The following MORN1 variants were observed in gnomAD, a reference collection of about 807,000 sequenced individuals.
MORN1 encodes the protein MORN repeat-containing protein 1.
In MORN1, 67 loss-of-function variants were observed where a neutral mutation model predicts 61.9. The ratio of observed to expected loss-of-function variants is 1.08; its 90% CI spans 0.89 to 1.33. MORN1 has a LOEUF of 1.33. Among genes scored for constraint, MORN1 ranks in the 40% most tolerant of loss-of-function variants. MORN1 has a pLI of 0.00. For missense variants in MORN1, 752 were observed against 691.2 expected, an observed-to-expected ratio of 1.09 and a Z score of -0.99; for synonymous variants, 301 against 292.0, an observed-to-expected ratio of 1.03 and a Z score of -0.31.
Position 2,337,418 on chromosome 1 carries a change from G to A in MORN1, c.1037-568C>T, listed in dbSNP as rs1255862416. Among the ~76,000 whole-genome samples, 1 of 152,130 alleles carries A rather than the reference G, an allele frequency of 6.6e-6. No homozygotes were observed. Among genetic ancestry groups the A allele is most frequent in the Non-Finnish European group, 1.5e-5 (1 of 67,988 alleles). ...TCCTCGGGCATCAGAGGCGGGTGTGGGCGGGCTCAGCCTGTGCATCCCTCA... is the reference window on the plus strand; with the variant it reads ...TCCTCGGGCATCAGAGGCGGGTGTGAGCGGGCTCAGCCTGTGCATCCCTCA... On this transcript the variant is annotated intron_variant, in intron 10 of 13. Coordinates refer to ENST00000378531, the MANE Select transcript of MORN1 (RefSeq NM_024848.3). The surrounding 1 kb of genome is among the most constrained non-coding windows in gnomAD (Gnocchi z 5.7).
At chr1:2,387,325 G>T in intron 4 of MORN1, 94 bp downstream of exon 4, 1 of 893,658 alleles carries the variant, frequency 1.1e-6, no homozygotes, top group Non-Finnish European at 1.9e-6. Context: ...AGTCAGGCAG[G>T]CCCTCTCAGA....
chr1:2,336,211 A>T (rs1019861028), intron 12 of MORN1, among the ~76,000 whole-genome samples: 4 of 152,032 alleles, frequency 2.6e-5, no homozygotes, highest in Middle Eastern at 3.4e-3. Context: ...CGGGTCTGGG[A>T]GTTGTGGTGA....
chr1:2,335,828 T>TAGCCCAGCCCAGCCCGGCCCAGCCC (rs1553208690), intron 12 of MORN1, among the ~76,000 whole-genome samples: 4 of 143,014 alleles, frequency 2.8e-5, no homozygotes, highest in African/African-American at 1.2e-4. Flanking sequence ...CTCGCCTCCA[T>TAGCCCAGCCCAGCCCGGCCCAGCCC]AGCCCAGCCC....
rs556019760 is a variant in MORN1, at chr1:2,358,465, G to A, written c.869+127C>T. 2.1e-5 allele frequency: 26 copies of A among 1,255,196 alleles called. No individual in the cohort carries two copies. In the South Asian group the frequency reaches 2.8e-4, roughly 13 times the overall value. The allele number at this position is 1,255,196 out of a possible 1,614,324, so 77.8% of individuals were successfully genotyped here. A position where few individuals can be genotyped will look rare whatever the true frequency, so the allele number is the denominator to read the frequency against. On this transcript the variant is annotated intron_variant, in intron 9 of 13. Coordinates refer to ENST00000378531, the MANE Select transcript of MORN1 (RefSeq NM_024848.3). ...GAGCTGTTTCCTTAGAACAGACATC[G>A]AATATTTCATTTGTCATAACCAGGA...
At chr1:2,347,928 C>T (rs1641550975) in intron 10 of MORN1, among the ~76,000 whole-genome samples, 1 of 152,270 alleles carries the variant, frequency 6.6e-6, no homozygotes, top group Admixed American at 6.5e-5. Context: ...GCTCCTCACT[C>T]CACATCCTCG....
intron 10 of MORN1, chr1:2,355,267 G>C: frequency 7.0e-7 from 1 of 1,429,478 alleles, no homozygotes; most frequent in Non-Finnish European, 9.2e-7. Flanking sequence ...CAGACAAGGG[G>C]GCGCGGGCCG....
intron 13 of MORN1, chr1:2,322,280 C>T: frequency 1.0e-6 from 1 of 985,500 alleles, no homozygotes; most frequent in Non-Finnish European, 1.2e-6. Context: ...CTCCCCTGAG[C>T]CTGCCGGGGC....
At chr1:2,387,156 C>T in intron 4 of MORN1, 1 of 529,168 alleles carries the variant, frequency 1.9e-6, no homozygotes, top group Admixed American at 3.1e-5. Flanking sequence ...GCCATTTTAA[C>T]CCCTAAGCCA....
In MORN1 at chr1:2,372,506, C is replaced by T; in HGVS notation, c.720G>A (p.Leu240=). ...GSPFSVNVQL[L]QDHGEIAKSE... ...TCTTGGCAATTTCCCCGTGGTCCTG[C>T]AGCAGCTGAACGTTCACCGAGAAGG... Residue 240 remains leucine, a synonymous_variant, in exon 8 of 14, where the codon CTG becomes CTA. Transcript: ENST00000378531. The surrounding 1 kb of genome is among the most constrained non-coding windows in gnomAD (Gnocchi z 5.4). 6.2e-7 allele frequency: 1 copy of T among 1,613,910 alleles called. No individual in the cohort carries two copies. Among genetic ancestry groups the T allele is most frequent in the African/African-American group, 1.3e-5 (1 of 75,036 alleles).
intron 12 of MORN1, among the ~76,000 whole-genome samples, chr1:2,330,296 GGCTCTC>G (rs1641121183): frequency 2.0e-5 from 3 of 152,234 alleles, no homozygotes; most frequent in African/African-American, 7.2e-5. Context: ...TGGGTGGCCA[GGCTCTC>G]GCCCCATGTG....
intron 12 of MORN1, among the ~76,000 whole-genome samples, chr1:2,331,403 C>T (rs1641145084): frequency 6.6e-6 from 1 of 152,208 alleles, no homozygotes; most frequent in Non-Finnish European, 1.5e-5. Flanking sequence ...TCCCTGACAT[C>T]CTTGGACCTG....
At chr1:2,330,135 C>G (rs574117384) in intron 12 of MORN1, among the ~76,000 whole-genome samples, 3 of 152,232 alleles carry the variant, frequency 2.0e-5, no homozygotes, top group African/African-American at 7.2e-5. Context: ...CAGGCCTCCC[C>G]ACCTGGGCTG....
chr1:2,370,190 C>T (rs571677399), intron 8 of MORN1, among the ~76,000 whole-genome samples: 1 of 152,336 alleles, frequency 6.6e-6, no homozygotes, highest in East Asian at 1.9e-4. Context: ...GGCATCAACC[C>T]TGACTCTTAG....
intron 6 of MORN1, chr1:2,378,660 C>T: frequency 3.3e-6 from 1 of 302,930 alleles, no homozygotes; most frequent in Non-Finnish European, 6.5e-6. Flanking sequence ...GGCCGCGCTG[C>T]TGCCAACATG....
chr1:2,381,987 G>C (rs1642382457), intron 6 of MORN1, among the ~76,000 whole-genome samples: 1 of 152,220 alleles, frequency 6.6e-6, no homozygotes, highest in African/African-American at 2.4e-5. Context: ...TCCCTTGCCT[G>C]GTCCTCTCTC....
rs1455671391 is a variant in MORN1, at chr1:2,336,553, A to G, written c.1171-5T>C. On this transcript the variant is annotated splice_region_variant and splice_polypyrimidine_tract_variant and intron_variant, in intron 11 of 13. Coordinates refer to ENST00000378531, the MANE Select transcript of MORN1 (RefSeq NM_024848.3). ...TCTGGATCTGCCGCCTGCCTTCTAG[A>G]AAGATTGGGCAGGAGGAGGGGAGAA... 6.2e-7 allele frequency: 1 copy of G among 1,612,382 alleles called. No individual in the cohort carries two copies. The highest frequency in any genetic ancestry group is 8.5e-7 in the Non-Finnish European group (1 of 1,179,616).
chr1:2,342,828 TTATTTTATTTTA>T (rs1280797630), intron 10 of MORN1, among the ~76,000 whole-genome samples: 52 of 130,154 alleles, frequency 4.0e-4, no homozygotes, highest in Non-Finnish European at 5.3e-4. Flanking sequence ...TTTAAATATT[TTATTTTATTTTA>T]TATTTTATTT....
chr1:2,369,787 T>C (rs976555613), intron 8 of MORN1, among the ~76,000 whole-genome samples: 1 of 152,170 alleles, frequency 6.6e-6, no homozygotes, highest in Non-Finnish European at 1.5e-5. Context: ...CACAAAGAAG[T>C]GCAAGATGTG....
intron 12 of MORN1, among the ~76,000 whole-genome samples, chr1:2,330,297 G>A (rs1641121147): frequency 6.6e-6 from 1 of 152,250 alleles, no homozygotes; most frequent in Admixed American, 6.5e-5. Flanking sequence ...GGGTGGCCAG[G>A]CTCTCGCCCC....
Sources: allele counts gnomAD v4.1 joint callset (sites outside exome capture counted in the v4.1 genomes callset), GRCh38; gene constraint gnomAD v4.1.1; non-coding constraint Gnocchi (gnomAD v3.1); transcripts MANE v1.5; gene names NCBI Gene and HGNC (gene_info 2026-07-23, HGNC 2026-07-21).